GAN: variants seen among roughly 807,000 people sequenced by gnomAD.
GAN encodes epididymis secretory sperm binding protein.
A neutral mutation model predicts 71.3 loss-of-function variants in GAN; 48 were observed. The observed-to-expected ratio is 0.67, with a 90% CI of 0.53 to 0.86. The LOEUF (loss-of-function observed/expected upper bound fraction) is 0.86. GAN is among the 40% of genes least tolerant of loss of function. The pLI is 0.00. For synonymous variants in GAN, 386 were observed against 276.8 expected (o/e 1.39, Z -3.92); for missense variants, 928 against 770.1 (o/e 1.21, Z -2.43).
In GAN at chr16:81,379,529, G is replaced by A. The variant is rs148902699; in HGVS notation, c.*1933G>A. The A allele has an allele frequency of 1.5e-4, 23 of 152,284 alleles. No homozygotes were observed. The highest frequency in any genetic ancestry group is 4.8e-4 in the African/African-American group (20 of 41,572). 9.4% of individuals were successfully genotyped at this position (152,284 alleles called of 1,614,324 possible). A position where few individuals can be genotyped will look rare whatever the true frequency, so the allele number is the denominator to read the frequency against. On this transcript the variant is annotated 3_prime_UTR_variant, in exon 11 of 11. Transcript: ENST00000648994. ...AGTCAGCTGTTGTCTGCACATTTTC[G>A]TAGTGACAGTGTGGAGATCTTTTTA... is the stretch of plus-strand genomic sequence containing the variant.
At chr16:81,366,441 A>G (rs993424343) in intron 9 of GAN, among the ~76,000 whole-genome samples, 3 of 152,208 alleles carry the variant, frequency 2.0e-5, no homozygotes, top group Admixed American at 6.5e-5. Flanking sequence ...ACTGAGCAGT[A>G]TTCTTATTGC....
intron 7 of GAN, among the ~76,000 whole-genome samples, chr16:81,364,388 A>G (rs906436583): frequency 4.6e-5 from 7 of 151,944 alleles, no homozygotes; most frequent in African/African-American, 1.7e-4. Context: ...ACCTCAGCCT[A>G]CTGAATAGCT....
rs1292109565 is a variant in GAN at position 81,382,241 on chromosome 16, CA to C, written c.*4646del. The C allele has an allele frequency of 6.6e-6, 1 of 152,154 alleles. No homozygotes were observed. The highest frequency in any genetic ancestry group is 2.4e-5 in the African/African-American group (1 of 41,440). 9.4% of individuals were successfully genotyped at this position (152,154 alleles called of 1,614,324 possible). Reference sequence around the variant, plus strand: ...AGCAGAAGCCAGGTCTTTGGATTATCAGCTCACCAGTCAGCCAGTGAGGCTG... The same window carrying C: ...AGCAGAAGCCAGGTCTTTGGATTATCGCTCACCAGTCAGCCAGTGAGGCTG... On this transcript the variant is annotated 3_prime_UTR_variant, in exon 11 of 11. Coordinates refer to ENST00000648994, the MANE Select transcript of GAN (RefSeq NM_022041.4).
chr16:81,362,134 G>C (rs1910694736), intron 5 of GAN, among the ~76,000 whole-genome samples: 1 of 152,216 alleles, frequency 6.6e-6, no homozygotes. Context: ...CTGGGGTCTA[G>C]AATGAACAGA....
At chr16:81,376,368 A>G (rs571927191) in intron 9 of GAN, among the ~76,000 whole-genome samples, 13 of 152,176 alleles carry the variant, frequency 8.5e-5, no homozygotes, top group Non-Finnish European at 1.3e-4. Flanking sequence ...CGCCTGTTAT[A>G]CAGCATTTTA....
At chr16:81,363,646 G>C (rs1222084269) in intron 6 of GAN, 148 bp from the exon 7 acceptor site, 2 of 766,544 alleles carry the variant, frequency 2.6e-6, no homozygotes, top group African/African-American at 3.4e-5. Context: ...TTCAGCCCTT[G>C]CTCCTCTCCC....
intron 1 of GAN, among the ~76,000 whole-genome samples, chr16:81,345,076 G>T (rs749723654): frequency 6.6e-6 from 1 of 152,124 alleles, no homozygotes; most frequent in Non-Finnish European, 1.5e-5. Context: ...AGTTAGAACG[G>T]CGATCATTAA....
In GAN at chr16:81,331,459, G is replaced by T. The variant is rs142073425; in HGVS notation, c.167+16179G>T. On this transcript the variant is annotated intron_variant, in intron 1 of 10. Transcript: ENST00000648994. ...TGTAACAATATTAATTTCTGAGTTT[G>T]GATAATTGCAGGGTGCAAAGGAACT... Among the ~76,000 whole-genome samples, 1,057 of 152,252 alleles carry T rather than the reference G, an allele frequency of 6.9e-3. 42 individuals are homozygous for T. The highest frequency in any genetic ancestry group is 0.056 in the Admixed American group (858 of 15,302).
intron 3 of GAN, among the ~76,000 whole-genome samples, chr16:81,355,555 G>A (rs1371993154): frequency 6.6e-6 from 1 of 152,140 alleles, no homozygotes; most frequent in Admixed American, 6.5e-5. Context: ...TAGAGACAGG[G>A]TCTCGCTGTG....
intron 2 of GAN, among the ~76,000 whole-genome samples, chr16:81,352,755 T>G (rs993349828): frequency 4.9e-4 from 75 of 152,290 alleles, no homozygotes; most frequent in Middle Eastern, 6.8e-3. Context: ...GGTGTGTACG[T>G]GTATGATTGT....
chr16:81,348,706 G>A (rs1009192855), intron 1 of GAN, among the ~76,000 whole-genome samples: 2 of 152,198 alleles, frequency 1.3e-5, no homozygotes, highest in East Asian at 3.8e-4. Flanking sequence ...TTCAAAATGT[G>A]CAGGAAGCTC....
intron 9 of GAN, among the ~76,000 whole-genome samples, chr16:81,374,981 C>G (rs188586579): frequency 1.0e-4 from 13 of 125,930 alleles, no homozygotes. Flanking sequence ...GTATCATAGA[C>G]CTAAATGTAA....
intron 5 of GAN, among the ~76,000 whole-genome samples, chr16:81,361,801 C>G (rs1280202980): frequency 3.9e-5 from 6 of 152,158 alleles, no homozygotes; most frequent in Admixed American, 1.3e-4. Flanking sequence ...CTCAAGCGAT[C>G]CTCCCATTTC....
chr16:81,324,427 A>T (rs1164490644), intron 1 of GAN, among the ~76,000 whole-genome samples: 1 of 152,084 alleles, frequency 6.6e-6, no homozygotes, highest in Middle Eastern at 3.2e-3. Flanking sequence ...GATCTGAGGG[A>T]GGAGGAGACC....
At chr16:81,352,822 C>T (rs966795184) in intron 2 of GAN, among the ~76,000 whole-genome samples, 4 of 152,166 alleles carry the variant, frequency 2.6e-5, no homozygotes, top group Non-Finnish European at 4.4e-5. Flanking sequence ...TCTGTAGCAT[C>T]ACATAACCAG....
chr16:81,317,137 G>A (rs1203576256), intron 1 of GAN, among the ~76,000 whole-genome samples: 1 of 152,204 alleles, frequency 6.6e-6, no homozygotes, highest in Non-Finnish European at 1.5e-5. Flanking sequence ...GATTACAGGC[G>A]TGAGCCGTGG....
At chr16:81,330,015 AT>A (rs1909519576) in intron 1 of GAN, among the ~76,000 whole-genome samples, 1 of 152,160 alleles carries the variant, frequency 6.6e-6, no homozygotes, top group African/African-American at 2.4e-5. Flanking sequence ...CAGCAGAGAT[AT>A]CATCACCTCG....
chr16:81,351,286 G>C (rs1474658592), intron 1 of GAN, among the ~76,000 whole-genome samples: 1 of 152,284 alleles, frequency 6.6e-6, no homozygotes, highest in Admixed American at 6.5e-5. Context: ...TAGAAAATAA[G>C]CCTAAAGGGA....
At chr16:81,337,169 G>A (rs1432304237) in intron 1 of GAN, among the ~76,000 whole-genome samples, 1 of 152,154 alleles carries the variant, frequency 6.6e-6, no homozygotes, top group Non-Finnish European at 1.5e-5. Flanking sequence ...ATTCCCTACA[G>A]GAATGTGAAT....
Sources: allele counts gnomAD v4.1 joint callset (sites outside exome capture counted in the v4.1 genomes callset), GRCh38; gene constraint gnomAD v4.1.1; transcripts MANE v1.5; gene names NCBI Gene and HGNC (gene_info 2026-07-23, HGNC 2026-07-21).